The following GALK2 variants were observed in gnomAD, a reference collection of about 807,000 sequenced individuals.
GALK2 encodes galactokinase 2.
GALK2 carries 36 observed loss-of-function variants against 52.4 expected under a neutral mutation model. The observed-to-expected ratio is 0.69, with a 90% CI of 0.53 to 0.91. The LOEUF (loss-of-function observed/expected upper bound fraction) is 0.91. GALK2 is among the 40% of genes least tolerant of loss of function. GALK2 has a pLI of 0.00. For missense variants in GALK2, 579 were observed against 559.1 expected, an observed-to-expected ratio of 1.04 and a Z score of -0.36; for synonymous variants, 176 against 199.1, an observed-to-expected ratio of 0.88 and a Z score of 0.98.
downstream of GALK2, chr15:49,331,921 A>C (rs2038842481): frequency 1.2e-6 from 1 of 856,154 alleles, no homozygotes; most frequent in African/African-American, 1.7e-5. Flanking sequence ...AATAGCCAAC[A>C]TTTATTAAGA....
At chr15:49,175,419 G>A (rs2085370606) in intron 1 of GALK2, among the ~76,000 whole-genome samples, 2 of 152,120 alleles carry the variant, frequency 1.3e-5, no homozygotes, top group Admixed American at 6.5e-5. Flanking sequence ...GAGAATTTAG[G>A]AAGTTGTTAC....
intron 3 of GALK2, 191 bp from the exon 4 acceptor site, chr15:49,235,660 C>T: frequency 1.4e-6 from 1 of 717,930 alleles, no homozygotes; most frequent in Non-Finnish European, 2.6e-6. Context: ...AGTTTAGTCA[C>T]TAAGGCCACT....
intron 8 of GALK2, among the ~76,000 whole-genome samples, chr15:49,293,003 A>T (rs1323037550): frequency 6.6e-6 from 1 of 152,180 alleles, no homozygotes; most frequent in East Asian, 1.9e-4. Context: ...TTATACCAAT[A>T]ACATCAGAAA....
At chr15:49,265,063 G>C (rs573858465) in intron 5 of GALK2, among the ~76,000 whole-genome samples, 2 of 152,182 alleles carry the variant, frequency 1.3e-5, no homozygotes, top group Non-Finnish European at 2.9e-5. Flanking sequence ...CCCATTCTCA[G>C]ATCTCCAGCT....
intron 5 of GALK2, among the ~76,000 whole-genome samples, chr15:49,262,402 A>G (rs1595878603): frequency 1.3e-5 from 2 of 152,036 alleles, no homozygotes; most frequent in South Asian, 4.1e-4. Flanking sequence ...TTTCTGTGGG[A>G]TCGGTGGTGA....
chr15:49,334,944 C>G (rs1173970364), downstream of GALK2, among the ~76,000 whole-genome samples: 1 of 152,170 alleles, frequency 6.6e-6, no homozygotes, highest in Admixed American at 6.5e-5. Context: ...TGACCACAAG[C>G]AATTATTTTA....
downstream of GALK2, among the ~76,000 whole-genome samples, chr15:49,336,759 G>C (rs2039787631): frequency 6.6e-6 from 1 of 152,006 alleles, no homozygotes; most frequent in African/African-American, 2.4e-5. Context: ...TTGATACATG[G>C]GTATATTTCA....
chr15:49,357,988 A>G lies in GALK2; in HGVS notation c.427-9503A>G, dbSNP rs915844464. Among the ~76,000 whole-genome samples, 139 of 152,124 alleles carry G rather than the reference A, an allele frequency of 9.1e-4. 1 individual carries two copies. Among genetic ancestry groups the G allele is most frequent in the African/African-American group, 3.0e-3 (125 of 41,458 alleles). Reference sequence around the variant, plus strand: ...ATAAACAGAGCCAAAGACAAAAACCACATGATTATCTCAATAGATGCAGAA... The same window carrying G: ...ATAAACAGAGCCAAAGACAAAAACCGCATGATTATCTCAATAGATGCAGAA... On this transcript the variant is annotated intron_variant, in intron 3 of 3. Coordinates refer to the GALK2 transcript ENST00000558399.
intron 3 of GALK2, among the ~76,000 whole-genome samples, chr15:49,225,708 C>T (rs2090094395): frequency 6.6e-6 from 1 of 152,228 alleles, no homozygotes; most frequent in South Asian, 2.1e-4. Flanking sequence ...GGTGTGGGCT[C>T]CTTCCCTGCT....
intron 1 of GALK2, among the ~76,000 whole-genome samples, chr15:49,198,308 C>T (rs992543438): frequency 1.3e-5 from 2 of 152,184 alleles, no homozygotes; most frequent in African/African-American, 2.4e-5. Context: ...TTCACCTGCA[C>T]AGACTGGAAA....
intron 2 of GALK2, among the ~76,000 whole-genome samples, chr15:49,215,898 A>C (rs1035709643): frequency 1.6e-4 from 24 of 152,312 alleles, no homozygotes; most frequent in African/African-American, 2.9e-4. Flanking sequence ...CATGTATTCA[A>C]ATGGGATTGA....
At chr15:49,362,842 T>C (rs2044485020) in intron 3 of GALK2, among the ~76,000 whole-genome samples, 1 of 152,174 alleles carries the variant, frequency 6.6e-6, no homozygotes, top group South Asian at 2.1e-4. Context: ...CTTCTGCATA[T>C]AGCTAGCCAG....
rs572876718 is a variant in GALK2 at position 49,347,970 on chromosome 15, G to T, written c.427-19521G>T. ...GGAGGTGGAGGCTGCAGTGAGCTGAGATTGCACCATTGCACTCCAGCCTGG... is the reference window on the plus strand; with the variant it reads ...GGAGGTGGAGGCTGCAGTGAGCTGATATTGCACCATTGCACTCCAGCCTGG... On this transcript the variant is annotated intron_variant, in intron 3 of 3. Coordinates refer to the GALK2 transcript ENST00000558399. 2.3e-5 allele frequency among the ~76,000 whole-genome samples: 3 copies of T among 131,550 alleles called. No individual in the cohort carries two copies. The South Asian group carries it at 7.5e-4, about 33-fold the overall frequency. The allele number at this position is 131,550 out of a possible 152,430, so 86.3% of individuals were successfully genotyped here.
chr15:49,177,653 T>C, intron 1 of GALK2: 1 of 277,632 alleles, frequency 3.6e-6, no homozygotes, highest in South Asian at 5.9e-5. Flanking sequence ...AGATGCACAG[T>C]GAGAATCACC....
At chr15:49,284,234 CA>C (rs1178194070) in intron 7 of GALK2, among the ~76,000 whole-genome samples, 3 of 152,106 alleles carry the variant, frequency 2.0e-5, no homozygotes, top group Non-Finnish European at 4.4e-5. Flanking sequence ...AGAAAACTGC[CA>C]CAGTTAAACC....
At position 49,292,356 on chromosome 15, in the gene GALK2, G is replaced by A. The variant is rs1338060081; in HGVS notation, c.786G>A (p.Trp262Ter). ...TGGCTAAATACAAAAGCTTGCAATGGGACAAAGTACTGAGGCTGGAGGAGG... is the reference window on the plus strand; with the variant it reads ...TGGCTAAATACAAAAGCTTGCAATGAGACAAAGTACTGAGGCTGGAGGAGG... Reference protein sequence around the residue: ...KLLAKYKSLQWDKVLRLEEVQ... With the variant: ...KLLAKYKSLQ Residue 262 changes from tryptophan (W) to a stop codon, truncating the protein, a stop_gained, in exon 8 of 10, where the codon TGG becomes TGA. Transcript: ENST00000560031. LOFTEE classifies it high-confidence loss of function. 1 of 1,614,024 alleles carries A rather than the reference G, an allele frequency of 6.2e-7. No individual in the cohort carries two copies. Among genetic ancestry groups the A allele is most frequent in the East Asian group, 2.2e-5 (1 of 44,884 alleles).
intron 2 of GALK2, among the ~76,000 whole-genome samples, chr15:49,213,453 G>T (rs1045575976): frequency 6.6e-6 from 1 of 152,084 alleles, no homozygotes; most frequent in Non-Finnish European, 1.5e-5. Flanking sequence ...TCAACCCATT[G>T]TCTAGGTTTT....
At chr15:49,167,193 TATTA>T (rs927937366), upstream of GALK2, among the ~76,000 whole-genome samples, 27 of 152,368 alleles carry the variant, frequency 1.8e-4, no homozygotes, top group African/African-American at 6.5e-4. Context: ...ATTTCAAGTT[TATTA>T]ATTAGGTTTC....
intron 4 of GALK2, among the ~76,000 whole-genome samples, chr15:49,236,918 CTTAAAG>C (rs1327288150): frequency 2.0e-5 from 3 of 152,124 alleles, no homozygotes; most frequent in Non-Finnish European, 4.4e-5. Flanking sequence ...GGTTTTTGTT[CTTAAAG>C]TTAATGAATT....
Sources: allele counts gnomAD v4.1 joint callset (sites outside exome capture counted in the v4.1 genomes callset), GRCh38; gene constraint gnomAD v4.1.1; transcripts MANE v1.5; gene names NCBI Gene and HGNC (gene_info 2026-07-23, HGNC 2026-07-21).